ATP10A: variants seen among roughly 807,000 people sequenced by gnomAD.
The protein encoded by ATP10A is phospholipid-transporting ATPase VA.
In ATP10A, 111 loss-of-function variants were observed where a neutral mutation model predicts 147.8. That is an observed-to-expected ratio of 0.75 (90% CI 0.64 to 0.88). The LOEUF (loss-of-function observed/expected upper bound fraction) is 0.88, where lower values mean the gene tolerates loss of function less well. ATP10A is among the 40% of genes least tolerant of loss of function. The pLI is 0.00. For synonymous variants in ATP10A, 875 were observed against 841.6 expected (o/e 1.04, Z -0.69); for missense variants, 1,927 against 1,959.0 (o/e 0.98, Z 0.31).
Position 25,725,948 on chromosome 15 carries a change from T to C in ATP10A, c.979+3A>G. On this transcript the variant is annotated splice_donor_region_variant and intron_variant, in intron 5 of 20. Coordinates refer to ENST00000555815, the MANE Select transcript of ATP10A (RefSeq NM_024490.4). Reference sequence around the variant, plus strand: ...TCATTTCCGATCCATCTAGGAGACTTACCGACTGCTGAAAACAGAGACATG... The same window carrying C: ...TCATTTCCGATCCATCTAGGAGACTCACCGACTGCTGAAAACAGAGACATG... 6.2e-7 allele frequency: 1 copy of C among 1,612,466 alleles called. No homozygotes were observed. The highest frequency in any genetic ancestry group is 8.5e-7 in the Non-Finnish European group (1 of 1,178,982).
At chr15:25,772,986 T>G (rs1215430362) in intron 2 of ATP10A, among the ~76,000 whole-genome samples, 1 of 152,148 alleles carries the variant, frequency 6.6e-6, no homozygotes, top group Non-Finnish European at 1.5e-5. Context: ...GATTATTCAT[T>G]AGCAATGGTG....
At chr15:25,691,270 G>C (rs1330326251) in intron 15 of ATP10A, among the ~76,000 whole-genome samples, 1 of 152,184 alleles carries the variant, frequency 6.6e-6, no homozygotes, top group Non-Finnish European at 1.5e-5. Context: ...GAAAGATGCA[G>C]AGGTGAACTT....
At chr15:25,796,912 G>A (rs990241921) in intron 1 of ATP10A, among the ~76,000 whole-genome samples, 3 of 152,206 alleles carry the variant, frequency 2.0e-5, no homozygotes, top group African/African-American at 7.2e-5. Context: ...ACAATGTCAT[G>A]TTTTGATACA....
chr15:25,707,651 T>A (rs1164721140), intron 12 of ATP10A, among the ~76,000 whole-genome samples: 1 of 152,136 alleles, frequency 6.6e-6, no homozygotes, highest in Non-Finnish European at 1.5e-5. Flanking sequence ...AGTTTCCCTG[T>A]TTCCCGAGGG....
intron 1 of ATP10A, among the ~76,000 whole-genome samples, chr15:25,805,105 C>G (rs1013760103): frequency 6.6e-6 from 1 of 152,210 alleles, no homozygotes; most frequent in Non-Finnish European, 1.5e-5. Context: ...AGAAGCCAGT[C>G]CAGCATCCAC....
At chr15:25,699,765 T>A (rs1373901923) in intron 13 of ATP10A, among the ~76,000 whole-genome samples, 1 of 152,074 alleles carries the variant, frequency 6.6e-6, no homozygotes, top group Admixed American at 6.6e-5. Flanking sequence ...GTACTAGGGA[T>A]GCTGAGGCAG....
chr15:25,741,307 C>G (rs538135416), intron 2 of ATP10A, among the ~76,000 whole-genome samples: 11 of 152,304 alleles, frequency 7.2e-5, no homozygotes, highest in Admixed American at 5.9e-4. Context: ...CCCCAGAACT[C>G]CGTGCTGGGC....
At chr15:25,826,784 G>A (rs1377126081) in intron 1 of ATP10A, among the ~76,000 whole-genome samples, 1 of 152,130 alleles carries the variant, frequency 6.6e-6, no homozygotes, top group Non-Finnish European at 1.5e-5. Flanking sequence ...AACAGAACAA[G>A]ACTCTGTCTC....
chr15:25,713,252 G>A (rs1214845283), intron 10 of ATP10A, among the ~76,000 whole-genome samples: 2 of 152,198 alleles, frequency 1.3e-5, no homozygotes, highest in Admixed American at 6.5e-5. Flanking sequence ...AGGGCAGTGG[G>A]GGAGGCCAGC....
intron 1 of ATP10A, among the ~76,000 whole-genome samples, chr15:25,832,981 C>CTTTTT (rs202037774): frequency 8.1e-6 from 1 of 124,222 alleles, no homozygotes; most frequent in African/African-American, 3.0e-5. Context: ...CTATTTTATT[C>CTTTTT]TTTTTTTTTT....
In ATP10A at chr15:25,679,794, G is replaced by C. The variant is rs1472274130; in HGVS notation, c.4047C>G (p.Pro1349=). The change falls in exon 21 of 21, where the codon CCC becomes CCG. Residue 1349 remains proline, a synonymous_variant. Coordinates refer to ENST00000555815, the MANE Select transcript of ATP10A (RefSeq NM_024490.4). ...GTGTGTGCCAAGAAGGCTGGGACAG[G>C]GGCACAGAGGTCTTGACTGTCCTCC... ...SSGRTVKTSV[P]LSQPSWHTQQ... 1.9e-6 allele frequency: 3 copies of C among 1,612,694 alleles called. No individual in the cohort carries two copies. In the Admixed American group the frequency reaches 5.0e-5, roughly 27 times the overall value.
intron 1 of ATP10A, among the ~76,000 whole-genome samples, chr15:25,829,037 GAC>G (rs748708485): frequency 3.9e-5 from 6 of 152,206 alleles, no homozygotes; most frequent in Non-Finnish European, 7.3e-5. Flanking sequence ...GGGGGTAACA[GAC>G]ACACAACTCC....
intron 1 of ATP10A, among the ~76,000 whole-genome samples, chr15:25,801,401 C>G (rs1890932295): frequency 6.6e-6 from 1 of 152,182 alleles, no homozygotes; most frequent in African/African-American, 2.4e-5. Context: ...CTCAGCATCC[C>G]CATCTGCAAT....
intron 12 of ATP10A, among the ~76,000 whole-genome samples, chr15:25,705,516 A>G (rs768753517): frequency 1.2e-4 from 18 of 151,692 alleles, no homozygotes; most frequent in Non-Finnish European, 2.1e-4. Context: ...TAGTAAAAAT[A>G]TAAGTGGCTG....
intron 1 of ATP10A, among the ~76,000 whole-genome samples, chr15:25,813,832 T>G (rs1395412213): frequency 6.7e-6 from 1 of 148,882 alleles, no homozygotes; most frequent in Non-Finnish European, 1.5e-5. Flanking sequence ...CAATAGAAGC[T>G]ATCCAATATG....
intron 1 of ATP10A, among the ~76,000 whole-genome samples, chr15:25,812,472 G>A (rs146794260): frequency 6.6e-6 from 1 of 152,124 alleles, no homozygotes; most frequent in Non-Finnish European, 1.5e-5. Context: ...AAATAACAAG[G>A]ACGCCCTAAA....
chr15:25,683,157 G>A (rs969614113), intron 17 of ATP10A, 129 bp downstream of exon 17: 69 of 865,580 alleles, frequency 8.0e-5, no homozygotes, highest in East Asian at 2.6e-4. Flanking sequence ...CTCTAGAATG[G>A]TGAATTCTAG....
At chr15:25,689,060 C>A (rs1052595113) in intron 15 of ATP10A, among the ~76,000 whole-genome samples, 1 of 152,252 alleles carries the variant, frequency 6.6e-6, no homozygotes, top group African/African-American at 2.4e-5. Context: ...TGATGGCCTA[C>A]AAGGCCAAAC....
intron 2 of ATP10A, among the ~76,000 whole-genome samples, chr15:25,758,981 C>T (rs1487918880): frequency 6.6e-6 from 1 of 152,130 alleles, no homozygotes; most frequent in Non-Finnish European, 1.5e-5. Flanking sequence ...CCCTGTCAGT[C>T]TCTTTAAATT....
Sources: gnomAD v4.1 joint callset for allele counts (sites outside exome capture counted in the v4.1 genomes callset) on GRCh38, gnomAD v4.1.1 for gene constraint, MANE v1.5 for transcripts, NCBI Gene and HGNC (gene_info 2026-07-23, HGNC 2026-07-21) for gene names.